PLN: variants seen among roughly 807,000 people sequenced by gnomAD.
PLN encodes the protein cardiac phospholamban.
A neutral mutation model predicts 3.9 loss-of-function variants in PLN; 1 was observed. The ratio of observed to expected loss-of-function variants is 0.26; its 90% CI spans 0.09 to 1.23. The LOEUF is 1.23. Ranked by LOEUF, PLN falls within the 50% of genes most tolerant of loss-of-function variation. The pLI, the probability that PLN is intolerant of heterozygous loss-of-function variation, is 0.48. For synonymous variants in PLN, 21 were observed against 20.5 expected, an observed-to-expected ratio of 1.02 and a Z score of -0.07; for missense variants, 59 against 62.7, an observed-to-expected ratio of 0.94 and a Z score of 0.20.
chr6:118,555,585 T>C (rs1391265100), intron 1 of PLN, among the ~76,000 whole-genome samples: 5 of 152,208 alleles, frequency 3.3e-5, no homozygotes, highest in Admixed American at 6.5e-5. Flanking sequence ...AATCTATTTA[T>C]ATTTTACCTG....
chr6:118,561,091 T>G lies in PLN; in HGVS notation c.*2011T>G, dbSNP rs1038062129. Among the ~76,000 whole-genome samples, 1 of 152,140 alleles carries G rather than the reference T, an allele frequency of 6.6e-6. No individual in the cohort carries two copies. The highest frequency in any genetic ancestry group is 6.5e-5 in the Admixed American group (1 of 15,272). On this transcript the variant is annotated 3_prime_UTR_variant, in exon 2 of 2. Coordinates refer to ENST00000357525, the MANE Select transcript of PLN (RefSeq NM_002667.5). ...TTAAATTTTCTGAACCCATGAGAGA[T>G]ACTAGAGATGGGGAGTGGAAAGTGT...
At chr6:118,552,864 T>C (rs1245460866) in intron 1 of PLN, among the ~76,000 whole-genome samples, 2 of 152,032 alleles carry the variant, frequency 1.3e-5, no homozygotes, top group Non-Finnish European at 2.9e-5. Context: ...GACAGGAGTC[T>C]GGCATTTCTA....
chr6:118,554,574 T>A (rs904232331), intron 1 of PLN, among the ~76,000 whole-genome samples: 1 of 152,210 alleles, frequency 6.6e-6, no homozygotes, highest in Non-Finnish European at 1.5e-5. Flanking sequence ...AAACACACAG[T>A]TTCTTTACTT....
intron 1 of PLN, among the ~76,000 whole-genome samples, chr6:118,555,790 C>T (rs939883983): frequency 6.6e-6 from 1 of 151,600 alleles, no homozygotes; most frequent in African/African-American, 2.4e-5. Flanking sequence ...TTCTGCTCCT[C>T]TGCCTCCTCC....
rs1404259931 is a variant in PLN, at chr6:118,560,884, C to A, written c.*1804C>A. 6.6e-6 allele frequency among the ~76,000 whole-genome samples: 1 copy of A among 152,124 alleles called. No individual in the cohort carries two copies. The highest frequency in any genetic ancestry group is 1.5e-5 in the Non-Finnish European group (1 of 68,016). ...TCTAAAATAGTTTACACCTATACTG[C>A]ATAATCCAACAATTTTAATTTCAGT... On this transcript the variant is annotated 3_prime_UTR_variant, in exon 2 of 2. Coordinates refer to ENST00000357525, the MANE Select transcript of PLN (RefSeq NM_002667.5).
chr6:118,550,990 T>C (rs1562251922), intron 1 of PLN, among the ~76,000 whole-genome samples: 1 of 151,570 alleles, frequency 6.6e-6, no homozygotes, highest in Non-Finnish European at 1.5e-5. Context: ...GCACAGACTT[T>C]AAAAAAAATA....
At chr6:118,557,036 T>C (rs1484397909) in intron 1 of PLN, among the ~76,000 whole-genome samples, 2 of 152,318 alleles carry the variant, frequency 1.3e-5, no homozygotes, top group African/African-American at 4.8e-5. Context: ...ATAGGATATG[T>C]CTGTGGTAGT....
intron 1 of PLN, among the ~76,000 whole-genome samples, chr6:118,552,884 T>G (rs907438389): frequency 1.3e-5 from 2 of 152,010 alleles, no homozygotes; most frequent in African/African-American, 4.8e-5. Flanking sequence ...ACACCCAAAC[T>G]CCTAACAAGC....
rs532354859 is a variant in PLN at position 118,552,314 on chromosome 6, C to T, written c.-98+3922C>T. Among the ~76,000 whole-genome samples the T allele has an allele frequency of 3.9e-5, 6 of 152,128 alleles. No homozygotes were observed. In the East Asian group the frequency reaches 9.6e-4, roughly 24 times the overall value. On this transcript the variant is annotated intron_variant, in intron 1 of 1. Transcript: ENST00000357525. ...CAAAAATACTGAAGTTTGAGAAGTT[C>T]TGCAAGAAGTGAACATACTTAAAGT...
chr6:118,553,722 T>C (rs1778684624), intron 1 of PLN, among the ~76,000 whole-genome samples: 1 of 152,220 alleles, frequency 6.6e-6, no homozygotes, highest in Non-Finnish European at 1.5e-5. Flanking sequence ...GATTATAAGA[T>C]CATCTTTAAA....
chr6:118,558,760 T>C, intron 1 of PLN, 65 bp from the exon 2 acceptor site: 1 of 666,054 alleles, frequency 1.5e-6, no homozygotes, highest in Non-Finnish European at 2.7e-6. Flanking sequence ...TGTAAAATTG[T>C]ATTTTTTGTT....
chr6:118,551,721 A>G (rs1778556567), intron 1 of PLN, among the ~76,000 whole-genome samples: 1 of 152,044 alleles, frequency 6.6e-6, no homozygotes, highest in Admixed American at 6.6e-5. Flanking sequence ...TTATGCATAT[A>G]CAATTATTTT....
rs1012484314 is a variant in PLN, at chr6:118,558,863, C to T, written c.-59C>T. The T allele has an allele frequency of 5.1e-6, 7 of 1,367,854 alleles. No individual in the cohort carries two copies. The African/African-American group carries it at 8.6e-5, about 17-fold the overall frequency. The allele number at this position is 1,367,854 out of a possible 1,614,324, so 84.7% of individuals were successfully genotyped here. ...AGACAGTTATCTCATATTTGGCTGC[C>T]AGCTTTTTATCTTTCTCTCGACCAC... On this transcript the variant is annotated 5_prime_UTR_variant, in exon 2 of 2. Transcript: ENST00000357525.
chr6:118,549,099 A>G (rs1377062096), intron 1 of PLN, among the ~76,000 whole-genome samples: 1 of 152,012 alleles, frequency 6.6e-6, no homozygotes, highest in Non-Finnish European at 1.5e-5. Flanking sequence ...CAATGTTCAC[A>G]AACACAAAAA....
rs1427658308 is a variant in PLN, at chr6:118,561,292, T to G, written c.*2212T>G. On this transcript the variant is annotated 3_prime_UTR_variant, in exon 2 of 2. Coordinates refer to ENST00000357525, the MANE Select transcript of PLN (RefSeq NM_002667.5). Reference sequence around the variant, plus strand: ...AAGTATCCCTAGTCTTAAAAACAAGTGGAAAATTTGAACTGATTAGTCATA... The same window carrying G: ...AAGTATCCCTAGTCTTAAAAACAAGGGGAAAATTTGAACTGATTAGTCATA... Among the ~76,000 whole-genome samples the G allele has an allele frequency of 6.6e-6, 1 of 152,188 alleles. No individual in the cohort carries two copies. Among genetic ancestry groups the G allele is most frequent in the South Asian group, 2.1e-4 (1 of 4,832 alleles).
chr6:118,554,535 A>G (rs1365092578), intron 1 of PLN, among the ~76,000 whole-genome samples: 1 of 152,162 alleles, frequency 6.6e-6, no homozygotes, highest in Admixed American at 6.5e-5. Flanking sequence ...AAGCATACCA[A>G]TTATGCACTA....
chr6:118,559,132 G>GCATGGGATGACAGAT lies in PLN; in HGVS notation c.*52_*53insCATGGGATGACAGAT. On this transcript the variant is annotated 3_prime_UTR_variant, in exon 2 of 2. Coordinates refer to ENST00000357525, the MANE Select transcript of PLN (RefSeq NM_002667.5). ...AGCTTGCCACATCAGCTTAAAATCTGTCATCCCATGCAGACAGGAAAACAA... is the reference window on the plus strand; with the variant it reads ...AGCTTGCCACATCAGCTTAAAATCTGCATGGGATGACAGATTCATCCCATGCAGACAGGAAAACAA... 1 of 1,341,412 alleles carries GCATGGGATGACAGAT rather than the reference G, an allele frequency of 7.5e-7. No homozygotes were observed. Among genetic ancestry groups the GCATGGGATGACAGAT allele is most frequent in the Non-Finnish European group, 1.1e-6 (1 of 930,978 alleles). 83.1% of individuals were successfully genotyped at this position (1,341,412 alleles called of 1,614,324 possible).
At chr6:118,553,997 T>G (rs1166079775) in intron 1 of PLN, among the ~76,000 whole-genome samples, 1 of 152,208 alleles carries the variant, frequency 6.6e-6, no homozygotes, top group Non-Finnish European at 1.5e-5. Flanking sequence ...AGCATTATTT[T>G]TAAAATTGTT....
At chr6:118,550,862 A>C (rs968579362) in intron 1 of PLN, among the ~76,000 whole-genome samples, 5 of 151,946 alleles carry the variant, frequency 3.3e-5, no homozygotes, top group African/African-American at 1.2e-4. Flanking sequence ...ATAGCATTAC[A>C]TTCTTAATAG....
Sources: allele counts gnomAD v4.1 joint callset (sites outside exome capture counted in the v4.1 genomes callset), GRCh38; gene constraint gnomAD v4.1.1; transcripts MANE v1.5; gene names NCBI Gene and HGNC (gene_info 2026-07-23, HGNC 2026-07-21).